The following CLSTN2 variants were observed in gnomAD, a reference collection of about 807,000 sequenced individuals.
CLSTN2 encodes calsyntenin-2.
CLSTN2 carries 48 observed loss-of-function variants against 101.2 expected under a neutral mutation model. The observed-to-expected ratio is 0.47, with a 90% CI of 0.38 to 0.60. The LOEUF is 0.60. Among genes scored for constraint, CLSTN2 ranks in the 20% least tolerant of loss-of-function variants. The probability of loss-of-function intolerance (pLI) is 0.00; values close to 1 mark genes in which losing one functional copy is unlikely to be tolerated. For missense variants in CLSTN2, 1,160 were observed against 1,238.2 expected (o/e 0.94, Z 0.95); for synonymous variants, 481 against 463.6 (o/e 1.04, Z -0.48).
intron 1 of CLSTN2, among the ~76,000 whole-genome samples, chr3:139,993,915 G>GA (rs1436838471): frequency 1.3e-5 from 2 of 152,166 alleles, no homozygotes; most frequent in Non-Finnish European, 2.9e-5. Flanking sequence ...CTGATACAAT[G>GA]AATCTGTGGA....
chr3:140,402,855 C>T (rs1576549606), intron 2 of CLSTN2, among the ~76,000 whole-genome samples: 1 of 152,176 alleles, frequency 6.6e-6, no homozygotes, highest in African/African-American at 2.4e-5. Flanking sequence ...TGAATCTAGG[C>T]CTCTGGGCTC....
chr3:140,046,554 T>C (rs1375361874), intron 1 of CLSTN2, among the ~76,000 whole-genome samples: 1 of 152,202 alleles, frequency 6.6e-6, no homozygotes, highest in Non-Finnish European at 1.5e-5. Context: ...GATCCTGTCA[T>C]TATGTTGTTA....
At chr3:140,061,557 T>G (rs965725234) in intron 1 of CLSTN2, among the ~76,000 whole-genome samples, 3 of 152,002 alleles carry the variant, frequency 2.0e-5, no homozygotes, top group Non-Finnish European at 2.9e-5. Context: ...TAGTGGGAGG[T>G]GGAAGTCCCC....
At chr3:140,129,952 T>C (rs551524329) in intron 1 of CLSTN2, among the ~76,000 whole-genome samples, 1 of 152,352 alleles carries the variant, frequency 6.6e-6, no homozygotes, top group African/African-American at 2.4e-5. Context: ...GGACACAGCG[T>C]TGTCCTGGAA....
intron 2 of CLSTN2, among the ~76,000 whole-genome samples, chr3:140,294,484 T>A (rs2086983763): frequency 6.6e-6 from 1 of 152,026 alleles, no homozygotes; most frequent in Admixed American, 6.6e-5. Context: ...GGTGACAAAT[T>A]GTTCCCCAGC....
At chr3:140,071,864 A>AAATAAATAAATAAAT (rs2008403152) in intron 1 of CLSTN2, among the ~76,000 whole-genome samples, 1 of 133,368 alleles carries the variant, frequency 7.5e-6, no homozygotes, top group African/African-American at 3.5e-5. Flanking sequence ...AATAAATAAA[A>AAATAAATAAATAAAT]AAGAAAAACA....
intron 4 of CLSTN2, among the ~76,000 whole-genome samples, chr3:140,405,656 A>G (rs1364205820): frequency 3.3e-5 from 5 of 152,218 alleles, no homozygotes; most frequent in African/African-American, 1.2e-4. Flanking sequence ...GCATTCCTAT[A>G]AAGCCATTTG....
intron 1 of CLSTN2, among the ~76,000 whole-genome samples, chr3:140,111,409 A>T (rs2009153070): frequency 6.6e-6 from 1 of 152,156 alleles, no homozygotes; most frequent in Admixed American, 6.5e-5. Flanking sequence ...CAATAGAAAC[A>T]TGAGCCACTG....
At chr3:140,395,341 T>C (rs2088169360) in intron 2 of CLSTN2, among the ~76,000 whole-genome samples, 1 of 152,154 alleles carries the variant, frequency 6.6e-6, no homozygotes, top group Non-Finnish European at 1.5e-5. Flanking sequence ...ATTATAATTG[T>C]AATAATAAAA....
intron 8 of CLSTN2, among the ~76,000 whole-genome samples, chr3:140,489,869 G>A (rs1460070620): frequency 6.6e-6 from 1 of 151,188 alleles, no homozygotes; most frequent in Admixed American, 6.6e-5. Flanking sequence ...GAAACGCTGA[G>A]TTTTGAATCA....
chr3:140,379,294 G>A (rs1448965556), intron 2 of CLSTN2, among the ~76,000 whole-genome samples: 2 of 152,172 alleles, frequency 1.3e-5, no homozygotes, highest in Non-Finnish European at 1.5e-5. Flanking sequence ...CACAATCTCT[G>A]GACCATAATG....
chr3:140,050,730 T>A (rs1165497187), intron 1 of CLSTN2, among the ~76,000 whole-genome samples: 2 of 152,106 alleles, frequency 1.3e-5, no homozygotes, highest in African/African-American at 4.8e-5. Flanking sequence ...AAGCAGTCCA[T>A]AGAGGTCAGC....
intron 2 of CLSTN2, among the ~76,000 whole-genome samples, chr3:140,364,790 C>T (rs980076748): frequency 1.3e-5 from 2 of 152,150 alleles, no homozygotes; most frequent in African/African-American, 4.8e-5. Flanking sequence ...GAAATTTATT[C>T]ATTCATTCAT....
chr3:140,523,103 GA>G (rs1935065927), intron 8 of CLSTN2, among the ~76,000 whole-genome samples: 2 of 151,932 alleles, frequency 1.3e-5, no homozygotes, highest in Non-Finnish European at 2.9e-5. Context: ...TACGGCATGT[GA>G]ACTGTGTGCA....
At chr3:140,525,669 A>G (rs1273272879) in intron 8 of CLSTN2, among the ~76,000 whole-genome samples, 1 of 152,182 alleles carries the variant, frequency 6.6e-6, no homozygotes, top group Non-Finnish European at 1.5e-5. Flanking sequence ...ATAGATGTAA[A>G]AATCCCCAAT....
At chr3:140,216,297 A>G (rs2010920576) in intron 2 of CLSTN2, among the ~76,000 whole-genome samples, 1 of 152,154 alleles carries the variant, frequency 6.6e-6, no homozygotes, top group Non-Finnish European at 1.5e-5. Flanking sequence ...ATTAGAGGAT[A>G]CAAGATCTTT....
At chr3:140,049,854 T>C (rs2007957195) in intron 1 of CLSTN2, among the ~76,000 whole-genome samples, 2 of 152,218 alleles carry the variant, frequency 1.3e-5, no homozygotes, top group Admixed American at 1.3e-4. Flanking sequence ...GCATGGAAGC[T>C]TGTTTTATCC....
At chr3:140,447,048 G>A (rs530701921) in intron 5 of CLSTN2, among the ~76,000 whole-genome samples, 2 of 152,282 alleles carry the variant, frequency 1.3e-5, no homozygotes, top group East Asian at 1.9e-4. Context: ...CCAAGATACC[G>A]GTATCACCAT....
At chr3:140,170,928 A>T (rs1208384956) in intron 1 of CLSTN2, among the ~76,000 whole-genome samples, 1 of 152,170 alleles carries the variant, frequency 6.6e-6, no homozygotes, top group Non-Finnish European at 1.5e-5. Context: ...AAAACCAGGA[A>T]CTGCAACTTT....
Sources: allele counts gnomAD v4.1 joint callset (sites outside exome capture counted in the v4.1 genomes callset), GRCh38; gene constraint gnomAD v4.1.1; transcripts MANE v1.5; gene names NCBI Gene and HGNC (gene_info 2026-07-23, HGNC 2026-07-21).